Variants in MAPK8IP3 observed in about 807,000 individuals in gnomAD.
MAPK8IP3 encodes C-Jun-amino-terminal kinase-interacting protein 3.
A neutral mutation model predicts 157.8 loss-of-function variants in MAPK8IP3; 49 were observed. The observed-to-expected ratio is 0.31, with a 90% CI of 0.25 to 0.39. The LOEUF (loss-of-function observed/expected upper bound fraction) is 0.39, where lower values mean the gene tolerates loss of function less well. MAPK8IP3 is among the 10% of genes least tolerant of loss of function. The pLI is 1.00. For missense variants in MAPK8IP3, 1,478 were observed against 1,889.4 expected (o/e 0.78, Z 4.04); for synonymous variants, 897 against 777.7 (o/e 1.15, Z -2.55).
intron 17 of MAPK8IP3, 68 bp from the exon 18 acceptor site, chr16:1,764,047 T>C (rs2141938616): frequency 1.4e-6 from 2 of 1,446,782 alleles, no homozygotes; most frequent in Non-Finnish European, 9.3e-7. Flanking sequence ...GCCCTACCTG[T>C]CTCAGATTTC....
rs2042457106 is a variant in MAPK8IP3 at position 1,769,000 on chromosome 16, GGGA to G, written c.*185_*187del. ...GGGAGTGCGGGGATGCGGATCAGCT[GGGA>G]GGAGGAGGGGAGGGGAACTTCCACC... On this transcript the variant is annotated 3_prime_UTR_variant, in exon 32 of 32. Transcript: ENST00000610761. 2 of 700,728 alleles carry G rather than the reference GGGA, an allele frequency of 2.9e-6. No homozygotes were observed. The highest frequency in any genetic ancestry group is 1.9e-5 in the South Asian group (1 of 53,684). 43.4% of individuals were successfully genotyped at this position (700,728 alleles called of 1,614,324 possible). A position where few individuals can be genotyped will look rare whatever the true frequency, so the allele number is the denominator to read the frequency against.
At chr16:1,717,122 G>A (rs974464231) in intron 1 of MAPK8IP3, among the ~76,000 whole-genome samples, 3 of 151,372 alleles carry the variant, frequency 2.0e-5, no homozygotes, top group African/African-American at 7.3e-5. Flanking sequence ...TAGCTACTCA[G>A]GAGACTGGGA....
chr16:1,726,016 G>C (rs2038854914), intron 2 of MAPK8IP3, among the ~76,000 whole-genome samples: 1 of 152,240 alleles, frequency 6.6e-6, no homozygotes, highest in Non-Finnish European at 1.5e-5. Flanking sequence ...CCAATCGGCT[G>C]CGGTTTCCCT....
At chr16:1,761,865 C>T (rs1290586302) in intron 13 of MAPK8IP3, among the ~76,000 whole-genome samples, 5 of 152,224 alleles carry the variant, frequency 3.3e-5, no homozygotes, top group Non-Finnish European at 7.3e-5. Flanking sequence ...TATTCACACT[C>T]GGGGCATGGG....
intron 5 of MAPK8IP3, chr16:1,745,006 A>G (rs1280872873): frequency 1.0e-6 from 1 of 985,118 alleles, no homozygotes; most frequent in African/African-American, 1.8e-5. Context: ...GTGGCTACTC[A>G]TGGTGAGGAA....
chr16:1,761,569 G>T (rs574457729), intron 13 of MAPK8IP3, among the ~76,000 whole-genome samples: 1 of 146,806 alleles, frequency 6.8e-6, no homozygotes, highest in Non-Finnish European at 1.5e-5. Context: ...CACACACAGG[G>T]CGACCACCAT....
chr16:1,764,019 T>G, intron 17 of MAPK8IP3, 96 bp from the exon 18 acceptor site: 2 of 1,276,578 alleles, frequency 1.6e-6, no homozygotes. Context: ...GAAGTGGCTG[T>G]GCCGCCAGAA....
intron 1 of MAPK8IP3, among the ~76,000 whole-genome samples, chr16:1,708,876 A>C (rs2037571523): frequency 6.6e-6 from 1 of 152,170 alleles, no homozygotes; most frequent in African/African-American, 2.4e-5. Flanking sequence ...CTACTCCTCT[A>C]CTGAATCAAG....
In MAPK8IP3 at chr16:1,755,622, G is replaced by A. The variant is rs567368629; in HGVS notation, c.1217-2526G>A. On this transcript the variant is annotated intron_variant, in intron 8 of 31. Coordinates refer to ENST00000610761, the MANE Select transcript of MAPK8IP3 (RefSeq NM_001318852.2). ...CCAGCACATTGGGAGGCCAAGGTGGGCGGATCACGAGGTCAAGAGATCGAG... is the reference window on the plus strand; with the variant it reads ...CCAGCACATTGGGAGGCCAAGGTGGACGGATCACGAGGTCAAGAGATCGAG... 1.4e-4 allele frequency among the ~76,000 whole-genome samples: 22 copies of A among 152,240 alleles called. No homozygotes were observed. In the South Asian group the frequency reaches 4.4e-3, roughly 30 times the overall value.
In MAPK8IP3 at chr16:1,729,120, A is replaced by G. The variant is rs776070873; in HGVS notation, c.440-18A>G. The G allele has an allele frequency of 1.2e-6, 2 of 1,612,490 alleles. No homozygotes were observed. Among genetic ancestry groups the G allele is most frequent in the Middle Eastern group, 1.7e-4 (1 of 6,060 alleles). ...GAGAAGCGTCTTGTGCGGCTCAGAC[A>G]GTGATTGTGTTTTCCAGTTTCCCGG... On this transcript the variant is annotated intron_variant, in intron 2 of 31. Transcript: ENST00000610761.
At chr16:1,738,144 C>G (rs1210766176) in intron 4 of MAPK8IP3, among the ~76,000 whole-genome samples, 3 of 80,610 alleles carry the variant, frequency 3.7e-5, no homozygotes, top group East Asian at 4.8e-4. Flanking sequence ...GTGTGTGTGA[C>G]CATCCATGTG....
In MAPK8IP3 at chr16:1,743,370, T is replaced by C. The variant is rs2040788576; in HGVS notation, c.641T>C (p.Leu214Pro). 1.3e-6 allele frequency: 2 copies of C among 1,576,334 alleles called. No homozygotes were observed. The highest frequency in any genetic ancestry group is 1.4e-5 in the African/African-American group (1 of 72,164). ...ERPTSLNVFPLADGTVRAQIG... is the reference protein window; with the variant it reads ...ERPTSLNVFPPADGTVRAQIG... ...CCCACCTCCCTGAACGTGTTCCCCC[T>C]GGCTGACGGCACGGTACGTGCACAG... Residue 214 changes from leucine to proline, a missense_variant, in exon 5 of 32, where the codon CTG (leucine) becomes CCG (proline). By Grantham distance (98) the Leu-to-Pro change is moderately conservative. Around this residue, in one of 11 missense-constraint regions of MAPK8IP3, gnomAD observed 315 missense variants for 394.4 expected, o/e 0.80. Transcript: ENST00000610761. The surrounding 1 kb of genome is among the most constrained non-coding windows in gnomAD (Gnocchi z 5.6).
intron 1 of MAPK8IP3, among the ~76,000 whole-genome samples, chr16:1,712,235 G>A (rs2037837476): frequency 6.6e-6 from 1 of 151,600 alleles, no homozygotes; most frequent in African/African-American, 2.4e-5. Context: ...CTAATTTTTT[G>A]TATTTTTAGT....
At position 1,746,947 on chromosome 16, in the gene MAPK8IP3, G is replaced by A. The variant is rs150133290; in HGVS notation, c.748-82G>A. Reference sequence around the variant, plus strand: ...GGCAAAGTGCAAAGCATTGGTGCGCGGGGCCTCAGGCAGCCACGGCGGAGC... The same window carrying A: ...GGCAAAGTGCAAAGCATTGGTGCGCAGGGCCTCAGGCAGCCACGGCGGAGC... On this transcript the variant is annotated intron_variant, in intron 5 of 31. Coordinates refer to ENST00000610761, the MANE Select transcript of MAPK8IP3 (RefSeq NM_001318852.2). 165 of 1,500,612 alleles carry A rather than the reference G, an allele frequency of 1.1e-4. 2 individuals carry two copies. Among genetic ancestry groups the A allele is most frequent in the Middle Eastern group, 4.4e-4 (2 of 4,552 alleles). 93.0% of individuals were successfully genotyped at this position (1,500,612 alleles called of 1,614,324 possible).
intron 4 of MAPK8IP3, among the ~76,000 whole-genome samples, chr16:1,733,815 C>T (rs1252510246): frequency 1.3e-5 from 2 of 152,222 alleles, no homozygotes; most frequent in African/African-American, 4.8e-5. Flanking sequence ...AGAAGCCCCT[C>T]GATCATTTTG....
At chr16:1,766,690 G>T in intron 23 of MAPK8IP3, 33 bp from the exon 24 acceptor site, 1 of 1,612,594 alleles carries the variant, frequency 6.2e-7, no homozygotes. Flanking sequence ...GGTCCTGGGT[G>T]AGCCCCTCGC....
intron 8 of MAPK8IP3, among the ~76,000 whole-genome samples, chr16:1,757,128 C>T (rs374876599): frequency 2.0e-5 from 3 of 151,884 alleles, no homozygotes; most frequent in South Asian, 2.1e-4. Flanking sequence ...TTAATTGAGG[C>T]GGAGTCTTGC....
chr16:1,743,498 G>T lies in MAPK8IP3; in HGVS notation c.747+22G>T. The T allele has an allele frequency of 6.2e-7, 1 of 1,605,302 alleles. No homozygotes were observed. The highest frequency in any genetic ancestry group is 8.5e-7 in the Non-Finnish European group (1 of 1,178,116). ...CCAGGTTTTGTAGCCGTGCCGTGGA[G>T]TGAGAGGCTCCTCCCTGTTGCTGGT... On this transcript the variant is annotated intron_variant, in intron 5 of 31. Transcript: ENST00000610761. This position sits in a 1 kb window ranked among gnomAD's most constrained non-coding sequence, Gnocchi z 5.6.
At chr16:1,744,929 G>A in intron 5 of MAPK8IP3, 1 of 976,740 alleles carries the variant, frequency 1.0e-6, no homozygotes, top group Non-Finnish European at 1.2e-6. Context: ...TAATTTTTTT[G>A]TTGTTTTTTG....
Sources: allele counts gnomAD v4.1 joint callset (sites outside exome capture counted in the v4.1 genomes callset), GRCh38; gene constraint gnomAD v4.1.1; regional missense constraint gnomAD v4.1.1; non-coding constraint Gnocchi (gnomAD v3.1); transcripts MANE v1.5; gene names NCBI Gene and HGNC (gene_info 2026-07-23, HGNC 2026-07-21).